HMGCLL1: variants seen among roughly 807,000 people sequenced by gnomAD.
HMGCLL1 encodes 3-hydroxy-3-methylglutaryl-CoA lyase like 1.
HMGCLL1 carries 36 observed loss-of-function variants against 39.1 expected under a neutral mutation model. The observed-to-expected ratio is 0.92, with a 90% CI of 0.71 to 1.22. The LOEUF is 1.22. Ranked by LOEUF, HMGCLL1 falls within the 50% of genes most tolerant of loss-of-function variation. The pLI, the probability that HMGCLL1 is intolerant of heterozygous loss-of-function variation, is 0.00. For synonymous variants in HMGCLL1, 149 were observed against 144.0 expected (o/e 1.03, Z -0.25); for missense variants, 451 against 416.5 (o/e 1.08, Z -0.72).
the HMGCLL1 span, among the ~76,000 whole-genome samples, chr6:55,584,480 A>G: frequency 6.6e-6 from 1 of 152,102 alleles, no homozygotes; most frequent in Admixed American, 6.6e-5. Flanking sequence ...ACCGCAATAA[A>G]TTACTACCAT....
intron 5 of HMGCLL1, among the ~76,000 whole-genome samples, chr6:55,510,761 T>A (rs181690171): frequency 6.6e-6 from 1 of 151,050 alleles, no homozygotes; most frequent in Non-Finnish European, 1.5e-5. Flanking sequence ...CTGCACATTG[T>A]GCACATATAC....
upstream of HMGCLL1, among the ~76,000 whole-genome samples, chr6:55,583,191 T>A (rs926436529): frequency 6.6e-6 from 1 of 151,958 alleles, no homozygotes; most frequent in Non-Finnish European, 1.5e-5. Flanking sequence ...CCATTTATTT[T>A]TCTTTTTTTT....
chr6:55,604,902 G>C, the HMGCLL1 span, among the ~76,000 whole-genome samples: 3 of 142,362 alleles, frequency 2.1e-5, no homozygotes, highest in Non-Finnish European at 4.5e-5. Context: ...ATGTATAAGT[G>C]ACTATTTTTT....
chr6:55,435,966 G>C (rs564997968), intron 8 of HMGCLL1, among the ~76,000 whole-genome samples: 1 of 152,040 alleles, frequency 6.6e-6, no homozygotes, highest in South Asian at 2.1e-4. Context: ...CTTTATTACA[G>C]CATATCTTTA....
At chr6:55,651,526 G>C in the HMGCLL1 span, among the ~76,000 whole-genome samples, 1 of 152,068 alleles carries the variant, frequency 6.6e-6, no homozygotes, top group Admixed American at 6.6e-5. Context: ...AACTTTCCTT[G>C]CTAAGAGCTG....
At chr6:55,543,148 TTA>T (rs1313176941) in intron 1 of HMGCLL1, among the ~76,000 whole-genome samples, 4,269 of 9,196 alleles carry the variant, frequency 0.46, 1,391 homozygotes, top group African/African-American at 0.51. Flanking sequence ...ATATTATATA[TTA>T]TATATATTAT....
chr6:55,574,146 T>C (rs1004408399), intron 1 of HMGCLL1, among the ~76,000 whole-genome samples: 54 of 151,992 alleles, frequency 3.6e-4, no homozygotes, highest in Admixed American at 2.6e-3. Flanking sequence ...TTAGTGTATA[T>C]GTGTGTATGT....
intron 3 of HMGCLL1, among the ~76,000 whole-genome samples, chr6:55,541,301 A>G (rs896724789): frequency 1.3e-5 from 2 of 152,166 alleles, no homozygotes; most frequent in African/African-American, 2.4e-5. Flanking sequence ...AAAAAAAGCA[A>G]AGTAAAAGGA....
upstream of HMGCLL1, among the ~76,000 whole-genome samples, chr6:55,583,363 A>T (rs1330151162): frequency 6.7e-6 from 1 of 149,868 alleles, no homozygotes; most frequent in African/African-American, 2.5e-5. Flanking sequence ...ACCCCACAAC[A>T]GTCCCCAGAG....
chr6:55,627,293 G>A, the HMGCLL1 span, among the ~76,000 whole-genome samples: 1 of 151,736 alleles, frequency 6.6e-6, no homozygotes, highest in Non-Finnish European at 1.5e-5. Context: ...CCTTTATTAT[G>A]TGACATAAGA....
chr6:55,666,048 A>G, the HMGCLL1 span, among the ~76,000 whole-genome samples: 1 of 151,700 alleles, frequency 6.6e-6, no homozygotes, highest in African/African-American at 2.4e-5. Context: ...GAAGTAACAG[A>G]GAGAGGCAGA....
At chr6:55,553,963 T>C (rs1170795716) in intron 1 of HMGCLL1, among the ~76,000 whole-genome samples, 4 of 152,118 alleles carry the variant, frequency 2.6e-5, no homozygotes, top group African/African-American at 7.2e-5. Context: ...AACATTTTTA[T>C]CCACCTCCAG....
At chr6:55,580,609 G>T (rs1222716758), upstream of HMGCLL1, among the ~76,000 whole-genome samples, 3 of 151,934 alleles carry the variant, frequency 2.0e-5, no homozygotes, top group Non-Finnish European at 1.5e-5. Flanking sequence ...TAGAGACGGG[G>T]TTTCACCGCG....
At chr6:55,656,581 A>T in the HMGCLL1 span, among the ~76,000 whole-genome samples, 1 of 151,946 alleles carries the variant, frequency 6.6e-6, no homozygotes, top group East Asian at 1.9e-4. Context: ...ACCCAGTGGA[A>T]GACTCGGAGT....
At chr6:55,616,214 G>A in the HMGCLL1 span, among the ~76,000 whole-genome samples, 1 of 151,972 alleles carries the variant, frequency 6.6e-6, no homozygotes, top group Non-Finnish European at 1.5e-5. Context: ...ATTTGCTTTG[G>A]CCAAAGAACA....
chr6:55,560,132 G>C (rs1770875325), intron 1 of HMGCLL1, among the ~76,000 whole-genome samples: 1 of 152,082 alleles, frequency 6.6e-6, no homozygotes, highest in Non-Finnish European at 1.5e-5. Context: ...TTTGTTCAAA[G>C]TAACTTAAAT....
At chr6:55,574,525 A>C (rs1771670888) in intron 1 of HMGCLL1, among the ~76,000 whole-genome samples, 1 of 151,802 alleles carries the variant, frequency 6.6e-6, no homozygotes, top group Non-Finnish European at 1.5e-5. Context: ...TAGTAAAAAA[A>C]AGTATATCAC....
chr6:55,523,023 G>A (rs1768114613), intron 3 of HMGCLL1, among the ~76,000 whole-genome samples: 1 of 151,878 alleles, frequency 6.6e-6, no homozygotes, highest in Admixed American at 6.6e-5. Context: ...TATATAACTT[G>A]ACCACCTCTC....
chr6:55,593,097 C>G, the HMGCLL1 span, among the ~76,000 whole-genome samples: 1 of 152,024 alleles, frequency 6.6e-6, no homozygotes, highest in African/African-American at 2.4e-5. Flanking sequence ...TTCCTTATTC[C>G]CCTCATCCTG....
Sources: allele counts gnomAD v4.1 joint callset (sites outside exome capture counted in the v4.1 genomes callset), GRCh38; gene constraint gnomAD v4.1.1; transcripts MANE v1.5; gene names NCBI Gene and HGNC (gene_info 2026-07-23, HGNC 2026-07-21).